CACNA2D3: variants seen among roughly 807,000 people sequenced by gnomAD.
CACNA2D3 encodes voltage-dependent calcium channel subunit alpha-2/delta-3.
Under a neutral mutation model 160.6 loss-of-function variants are expected in CACNA2D3, and 60 were observed. That is an observed-to-expected ratio of 0.37 (90% confidence interval 0.30 to 0.46). The LOEUF (loss-of-function observed/expected upper bound fraction) is 0.46, where lower values mean the gene tolerates loss of function less well. CACNA2D3 is among the 20% of genes least tolerant of loss of function. The pLI, the probability that CACNA2D3 is intolerant of heterozygous loss-of-function variation, is 1.00. For missense variants in CACNA2D3, 1,205 were observed against 1,365.0 expected (o/e 0.88, Z 1.85); for synonymous variants, 558 against 492.9 (o/e 1.13, Z -1.75).
At chr3:54,895,919 C>T (rs898701505) in intron 25 of CACNA2D3, among the ~76,000 whole-genome samples, 4 of 152,156 alleles carry the variant, frequency 2.6e-5, no homozygotes, top group Non-Finnish European at 1.5e-5. Context: ...ATCTCCTGTC[C>T]TCAGAGATCT....
At chr3:54,879,121 A>G in intron 19 of CACNA2D3, 32 bp downstream of exon 19, 1 of 1,397,714 alleles carries the variant, frequency 7.2e-7, no homozygotes, top group East Asian at 2.3e-5. Context: ...TTGCTGCTTA[A>G]TTTAAAACAA....
intron 29 of CACNA2D3, among the ~76,000 whole-genome samples, chr3:54,973,792 TGATCATTAGTTAATGCAAA>T (rs923854187): frequency 6.6e-6 from 1 of 152,312 alleles, no homozygotes; most frequent in African/African-American, 2.4e-5. Flanking sequence ...TGTTTTGATA[TGATCATTAGTTAATGCAAA>T]GATAGAGCAA....
intron 11 of CACNA2D3, among the ~76,000 whole-genome samples, chr3:54,692,573 C>T (rs1396162764): frequency 6.6e-6 from 1 of 152,126 alleles, no homozygotes; most frequent in Admixed American, 6.5e-5. Context: ...TCTGGTGACC[C>T]TCAGGACACT....
intron 17 of CACNA2D3, among the ~76,000 whole-genome samples, chr3:54,853,187 C>T (rs1259276942): frequency 6.6e-6 from 1 of 152,118 alleles, no homozygotes; most frequent in Non-Finnish European, 1.5e-5. Context: ...CATACTCCTC[C>T]ATCACTCTCC....
intron 2 of CACNA2D3, among the ~76,000 whole-genome samples, chr3:54,126,172 AAT>A (rs1429313375): frequency 6.6e-6 from 1 of 152,232 alleles, no homozygotes; most frequent in Non-Finnish European, 1.5e-5. Flanking sequence ...GTTGTGAATC[AAT>A]ATAGTGTGTT....
At position 54,321,848 on chromosome 3, in the gene CACNA2D3, C is replaced by T. The variant is rs1163474110; in HGVS notation, c.321+1290C>T. Among the ~76,000 whole-genome samples, 4 of 149,902 alleles carry T rather than the reference C, an allele frequency of 2.7e-5. No homozygotes were observed. In the South Asian group the frequency reaches 8.4e-4, roughly 32 times the overall value. On this transcript the variant is annotated intron_variant, in intron 3 of 37. Coordinates refer to ENST00000474759, the MANE Select transcript of CACNA2D3 (RefSeq NM_018398.3). ...TTTATGCATATGAAAGCATTTCTGT[C>T]CAGATAAGGTTGTGCCAATTCACAG...
intron 9 of CACNA2D3, among the ~76,000 whole-genome samples, chr3:54,589,082 G>A (rs1036686192): frequency 3.9e-5 from 6 of 151,908 alleles, no homozygotes; most frequent in Admixed American, 6.6e-5. Flanking sequence ...TCTTAAAGAA[G>A]AATGAAGTAG....
At chr3:54,726,809 T>C (rs1158018179) in intron 11 of CACNA2D3, among the ~76,000 whole-genome samples, 2 of 152,164 alleles carry the variant, frequency 1.3e-5, no homozygotes, top group African/African-American at 2.4e-5. Flanking sequence ...ACCATAAAAA[T>C]CCTGTAAGGA....
intron 21 of CACNA2D3, among the ~76,000 whole-genome samples, chr3:54,883,889 C>T (rs1699866183): frequency 1.3e-5 from 2 of 148,172 alleles, no homozygotes; most frequent in African/African-American, 5.0e-5. Flanking sequence ...TTCTCTTTTC[C>T]TTTTTAGCCC....
intron 11 of CACNA2D3, among the ~76,000 whole-genome samples, chr3:54,675,769 G>C (rs1349742724): frequency 2.0e-5 from 3 of 152,146 alleles, no homozygotes; most frequent in Non-Finnish European, 2.9e-5. Flanking sequence ...ACTGCTTCTA[G>C]TGCACCCCTC....
chr3:54,585,513 C>G (rs1702745599), intron 9 of CACNA2D3, among the ~76,000 whole-genome samples: 1 of 152,130 alleles, frequency 6.6e-6, no homozygotes, highest in Non-Finnish European at 1.5e-5. Flanking sequence ...TTAGTCTGCT[C>G]TCTGCTAATA....
At chr3:54,751,682 G>C (rs1239963785) in intron 11 of CACNA2D3, among the ~76,000 whole-genome samples, 1 of 152,126 alleles carries the variant, frequency 6.6e-6, no homozygotes, top group Non-Finnish European at 1.5e-5. Flanking sequence ...TCAGACTAGA[G>C]GAGCTGGAAG....
chr3:54,286,982 T>G (rs910585691), intron 2 of CACNA2D3, among the ~76,000 whole-genome samples: 1 of 152,010 alleles, frequency 6.6e-6, no homozygotes, highest in Non-Finnish European at 1.5e-5. Context: ...CATGCCAAAT[T>G]GAAAAGACCA....
chr3:55,000,621 A>G (rs1382257965), intron 31 of CACNA2D3, among the ~76,000 whole-genome samples: 8 of 152,238 alleles, frequency 5.3e-5, no homozygotes, highest in African/African-American at 1.9e-4. Flanking sequence ...GCTGCCCCAG[A>G]GCAATTTAGT....
chr3:54,507,715 G>A (rs1184238944), intron 5 of CACNA2D3, among the ~76,000 whole-genome samples: 1 of 152,218 alleles, frequency 6.6e-6, no homozygotes, highest in Non-Finnish European at 1.5e-5. Flanking sequence ...GTCTGGGAAT[G>A]GAGGGAGGCT....
At chr3:55,055,254 CCA>C (rs1704333243) in intron 35 of CACNA2D3, among the ~76,000 whole-genome samples, 1 of 151,912 alleles carries the variant, frequency 6.6e-6, no homozygotes, top group Non-Finnish European at 1.5e-5. Flanking sequence ...GCGATAAGGT[CCA>C]GTTTCATTCT....
At chr3:54,713,029 A>T (rs1406011049) in intron 11 of CACNA2D3, among the ~76,000 whole-genome samples, 3 of 152,200 alleles carry the variant, frequency 2.0e-5, no homozygotes, top group Admixed American at 2.0e-4. Flanking sequence ...CATACTACTC[A>T]TAGGAATGTT....
chr3:54,359,108 G>A (rs1043325116), intron 3 of CACNA2D3, among the ~76,000 whole-genome samples: 5 of 152,088 alleles, frequency 3.3e-5, no homozygotes, highest in African/African-American at 1.2e-4. Flanking sequence ...CGAATGTATT[G>A]CACTAGCTTA....
intron 27 of CACNA2D3, among the ~76,000 whole-genome samples, chr3:54,953,934 C>A (rs1210241893): frequency 6.6e-6 from 1 of 152,156 alleles, no homozygotes; most frequent in Non-Finnish European, 1.5e-5. Flanking sequence ...TGTTTATGTT[C>A]TTGTGTCATG....
Sources: gnomAD v4.1 joint callset for allele counts (sites outside exome capture counted in the v4.1 genomes callset) on GRCh38, gnomAD v4.1.1 for gene constraint, MANE v1.5 for transcripts, NCBI Gene and HGNC (gene_info 2026-07-23, HGNC 2026-07-21) for gene names.